The following KBTBD11 variants were observed in gnomAD, a reference collection of about 807,000 sequenced individuals.
KBTBD11 encodes kelch repeat and BTB domain-containing protein 11.
For synonymous variants in KBTBD11, 747 were observed against 499.0 expected (o/e 1.50, Z -6.63); for missense variants, 1,390 against 1,001.8 (o/e 1.39, Z -5.23).
chr8:1,996,062 G>A (rs1199507013), intron 1 of KBTBD11, among the ~76,000 whole-genome samples: 1 of 152,160 alleles, frequency 6.6e-6, no homozygotes, highest in Non-Finnish European at 1.5e-5. Flanking sequence ...TTCCCTACAG[G>A]TTTCTAAGAT....
Position 2,001,062 on chromosome 8 carries a change from A to G in KBTBD11, c.-131A>G, listed in dbSNP as rs1190629827. The G allele has an allele frequency of 2.3e-5, 27 of 1,191,372 alleles. No individual in the cohort carries two copies. The highest frequency in any genetic ancestry group is 3.2e-5 in the East Asian group (1 of 31,376). 73.8% of individuals were successfully genotyped at this position (1,191,372 alleles called of 1,614,324 possible). On this transcript the variant is annotated 5_prime_UTR_variant, in exon 2 of 2. Transcript: ENST00000320248. ...ACACACAACAACAAAGCGTGGACAC[A>G]CAGAAGTGAAATCTGATCGCGTGCC... is the stretch of plus-strand genomic sequence containing the variant.
In KBTBD11 at chr8:1,993,948, C is replaced by CACACACACAG. The variant is rs1166492524; in HGVS notation, c.-908-6328_-908-6327insGACACACACA. 4.6e-5 allele frequency among the ~76,000 whole-genome samples: 7 copies of CACACACACAG among 151,554 alleles called. No homozygotes were observed. In the East Asian group the frequency reaches 1.4e-3, roughly 30 times the overall value. ...ACACACACACACACACACACACACACACACACACACAAAACCCCATAGATG... is the reference window on the plus strand; with the variant it reads ...ACACACACACACACACACACACACACACACACACAGACACACACACAAAACCCCATAGATG... On this transcript the variant is annotated intron_variant, in intron 1 of 1. Coordinates refer to ENST00000320248, the MANE Select transcript of KBTBD11 (RefSeq NM_014867.3).
intron 1 of KBTBD11, among the ~76,000 whole-genome samples, chr8:1,988,512 C>T (rs184752846): frequency 2.3e-4 from 35 of 152,260 alleles, no homozygotes; most frequent in East Asian, 9.7e-4. Flanking sequence ...ATGTGTCTGT[C>T]GGCTGCATAA....
At chr8:1,998,691 T>C (rs1015079656) in intron 1 of KBTBD11, among the ~76,000 whole-genome samples, 1 of 152,240 alleles carries the variant, frequency 6.6e-6, no homozygotes, top group Admixed American at 6.5e-5. Flanking sequence ...ATAAGCCAAC[T>C]GAGACAGCCA....
At chr8:1,991,823 G>T (rs758953461) in intron 1 of KBTBD11, among the ~76,000 whole-genome samples, 2 of 152,178 alleles carry the variant, frequency 1.3e-5, no homozygotes, top group Admixed American at 1.3e-4. Flanking sequence ...CTGGGCTCTT[G>T]GTGGGAGTAA....
At position 2,001,994 on chromosome 8, in the gene KBTBD11, C is replaced by T. The variant is rs866550731; in HGVS notation, c.802C>T (p.Arg268Cys). 1.4e-6 allele frequency: 2 copies of T among 1,425,886 alleles called. No homozygotes were observed. The highest frequency in any genetic ancestry group is 1.3e-5 in the South Asian group (1 of 79,722). The allele number at this position is 1,425,886 out of a possible 1,614,324, so 88.3% of individuals were successfully genotyped here. ...GAGCGACCACTATCTGGAGGTGCTG[C>T]GCGAGCCCGCCGTGTTCGGCCGCCT... ...FMSDHYLEVL[R>C]EPAVFGRLSG... The change falls in exon 2 of 2, where the codon CGC becomes TGC. Residue 268 changes from arginine to cysteine, a missense_variant. Coordinates refer to ENST00000320248, the MANE Select transcript of KBTBD11 (RefSeq NM_014867.3).
chr8:1,999,816 G>A (rs1217903305), intron 1 of KBTBD11, among the ~76,000 whole-genome samples: 1 of 152,100 alleles, frequency 6.6e-6, no homozygotes, highest in South Asian at 2.1e-4. Flanking sequence ...ATAATTAACT[G>A]GGAAACACTG....
chr8:1,993,961 A>AC (rs1817037649), intron 1 of KBTBD11, among the ~76,000 whole-genome samples: 1 of 150,288 alleles, frequency 6.7e-6, no homozygotes, highest in Non-Finnish European at 1.5e-5. Context: ...ACACACACAA[A>AC]ACCCCATAGA....
intron 1 of KBTBD11, among the ~76,000 whole-genome samples, chr8:1,989,123 G>A (rs1229852543): frequency 1.3e-5 from 2 of 152,144 alleles, no homozygotes. Flanking sequence ...CAGAGCCTTG[G>A]TGCTCTGGTG....
At chr8:1,990,425 C>T (rs533489954) in intron 1 of KBTBD11, among the ~76,000 whole-genome samples, 58 of 128,102 alleles carry the variant, frequency 4.5e-4, no homozygotes, top group Admixed American at 2.8e-3. Context: ...CCTTGGCGCC[C>T]TGTCCGGGTA....
At position 2,003,141 on chromosome 8, in the gene KBTBD11, G is replaced by C; in HGVS notation, c.*77G>C. The stretch of plus-strand genomic sequence containing the variant: ...TCCCTTTGGGCCCGCGGAGGAGGAC[G>C]TGGTGGGGAGTCGGGGCCGCTGGCC... On this transcript the variant is annotated 3_prime_UTR_variant, in exon 2 of 2. Coordinates refer to ENST00000320248, the MANE Select transcript of KBTBD11 (RefSeq NM_014867.3). 8.0e-7 allele frequency: 1 copy of C among 1,247,548 alleles called. No homozygotes were observed. 77.3% of individuals were successfully genotyped at this position (1,247,548 alleles called of 1,614,324 possible). A position where few individuals can be genotyped will look rare whatever the true frequency, so the allele number is the denominator to read the frequency against.
At position 2,001,783 on chromosome 8, in the gene KBTBD11, G is replaced by T. The variant is rs1817374003; in HGVS notation, c.591G>T (p.Ala197=). 1.6e-6 allele frequency: 2 copies of T among 1,266,638 alleles called. No homozygotes were observed. Among genetic ancestry groups the T allele is most frequent in the Non-Finnish European group, 2.0e-6 (2 of 1,009,534 alleles). The allele number at this position is 1,266,638 out of a possible 1,614,324, so 78.5% of individuals were successfully genotyped here. The change falls in exon 2 of 2, where the codon GCG becomes GCT. Residue 197 remains alanine (A), a synonymous_variant. Transcript: ENST00000320248. ...LLADAYSGRM[A]GVRPDNVAEV... ...CCGACGCCTACAGCGGGCGCATGGCGGGCGTGCGGCCCGACAACGTGGCCG... is the reference window on the plus strand; with the variant it reads ...CCGACGCCTACAGCGGGCGCATGGCTGGCGTGCGGCCCGACAACGTGGCCG...
At chr8:1,974,509 G>C in intron 1 of KBTBD11, 2 of 985,082 alleles carry the variant, frequency 2.0e-6, no homozygotes, top group Non-Finnish European at 2.4e-6. Flanking sequence ...TCGGGGCCCT[G>C]GGGAGGGGAG....
chr8:1,991,104 C>G lies in KBTBD11; in HGVS notation c.-908-9181C>G, dbSNP rs367784971. On this transcript the variant is annotated intron_variant, in intron 1 of 1. Coordinates refer to ENST00000320248, the MANE Select transcript of KBTBD11 (RefSeq NM_014867.3). ...GGCGCCCTGTCCGGGTAGATGCTGC[C>G]GGGCCTTGGCGCCCTGTCCGGGTAG... Among the ~76,000 whole-genome samples the G allele has an allele frequency of 2.3e-3, 219 of 93,750 alleles. No homozygotes were observed. The Middle Eastern group carries it at 0.042, about 18-fold the overall frequency. 61.5% of individuals were successfully genotyped at this position (93,750 alleles called of 152,430 possible).
intron 1 of KBTBD11, among the ~76,000 whole-genome samples, chr8:1,987,125 C>G (rs554080948): frequency 6.6e-6 from 1 of 152,234 alleles, no homozygotes; most frequent in East Asian, 1.9e-4. Flanking sequence ...CGTCCCCGGC[C>G]TCCTCTTCAG....
intron 1 of KBTBD11, among the ~76,000 whole-genome samples, chr8:1,979,316 A>T (rs918108975): frequency 6.6e-6 from 1 of 152,204 alleles, no homozygotes; most frequent in Non-Finnish European, 1.5e-5. Flanking sequence ...TTCCCATGTA[A>T]ATGTTAATCA....
rs1329860311 is a variant in KBTBD11, at chr8:2,001,699, G to C, written c.507G>C (p.Ala169=). 5 of 1,429,950 alleles carry C rather than the reference G, an allele frequency of 3.5e-6. No homozygotes were observed. The highest frequency in any genetic ancestry group is 4.6e-6 in the Non-Finnish European group (5 of 1,096,824). The allele number at this position is 1,429,950 out of a possible 1,614,324, so 88.6% of individuals were successfully genotyped here. The change falls in exon 2 of 2, where the codon GCG becomes GCC. Residue 169 remains alanine (A), a synonymous_variant. Coordinates refer to ENST00000320248, the MANE Select transcript of KBTBD11 (RefSeq NM_014867.3). The stretch of plus-strand genomic sequence containing the variant: ...GCAGCGACTACTTCCGCGCGCGCGC[G>C]TCGCGGGACGTGCTGCGGGTGCAGG... ...AARSDYFRAR[A]SRDVLRVQGV...
rs1035955696 is a variant in KBTBD11, at chr8:1,973,719, G to C, written c.-1125G>C. On this transcript the variant is annotated 5_prime_UTR_variant, in exon 1 of 2. Coordinates refer to ENST00000320248, the MANE Select transcript of KBTBD11 (RefSeq NM_014867.3). ...CTCGCAGCCTGGAGCCGGAGCGCTG[G>C]CTCCGCGCGGCCTGGAGAGGCGGAG... 1 of 983,722 alleles carries C rather than the reference G, an allele frequency of 1.0e-6. No individual in the cohort carries two copies. Among genetic ancestry groups the C allele is most frequent in the Admixed American group, 6.2e-5 (1 of 16,126 alleles). The allele number at this position is 983,722 out of a possible 1,614,324, so 60.9% of individuals were successfully genotyped here. A position where few individuals can be genotyped will look rare whatever the true frequency, so the allele number is the denominator to read the frequency against.
intron 1 of KBTBD11, among the ~76,000 whole-genome samples, chr8:1,984,534 G>A (rs1175993150): frequency 2.6e-5 from 4 of 152,006 alleles, no homozygotes; most frequent in South Asian, 2.1e-4. Flanking sequence ...CGATCCCCCC[G>A]CCTCAGCCTC....
Sources: gnomAD v4.1 joint callset for allele counts (sites outside exome capture counted in the v4.1 genomes callset) on GRCh38, gnomAD v4.1.1 for gene constraint, MANE v1.5 for transcripts, NCBI Gene and HGNC (gene_info 2026-07-23, HGNC 2026-07-21) for gene names.